The following GCNT1 variants were observed in gnomAD, a reference collection of about 807,000 sequenced individuals.
The protein encoded by GCNT1 is beta-1,3-galactosyl-O-glycosyl-glycoprotein beta-1,6-N-acetylglucosaminyltransferase.
A neutral mutation model predicts 26.2 loss-of-function variants in GCNT1; 16 were observed. That is an observed-to-expected ratio of 0.61 (90% CI 0.41 to 0.93). The LOEUF is 0.93. Among genes scored for constraint, GCNT1 ranks in the 40% least tolerant of loss-of-function variants. The pLI is 0.00. For synonymous variants in GCNT1, 183 were observed against 190.8 expected (o/e 0.96, Z 0.34); for missense variants, 477 against 526.7 (o/e 0.91, Z 0.92).
chr9:76,424,029 T>C (rs143439480), intron 1 of GCNT1, among the ~76,000 whole-genome samples: 1 of 152,206 alleles, frequency 6.6e-6, no homozygotes, highest in South Asian at 2.1e-4. Context: ...ATGGTTTGCC[T>C]TGGAATCAAA....
chr9:76,435,295 T>A (rs2131578668), intron 1 of GCNT1, among the ~76,000 whole-genome samples: 1 of 152,178 alleles, frequency 6.6e-6, no homozygotes, highest in South Asian at 2.1e-4. Flanking sequence ...GCTGTAAAAT[T>A]CCTCTCTTTG....
At chr9:76,404,258 A>C in the GCNT1 span, among the ~76,000 whole-genome samples, 5 of 152,166 alleles carry the variant, frequency 3.3e-5, no homozygotes, top group African/African-American at 7.2e-5. Context: ...TGATGATATA[A>C]AATTTTAGGA....
At chr9:76,414,636 C>T in the GCNT1 span, among the ~76,000 whole-genome samples, 185 of 152,258 alleles carry the variant, frequency 1.2e-3, no homozygotes, top group African/African-American at 4.3e-3. Context: ...GAGGGTCCCT[C>T]GCCTTTTTAG....
the GCNT1 span, among the ~76,000 whole-genome samples, chr9:76,406,370 G>T: frequency 6.6e-6 from 1 of 151,900 alleles, no homozygotes; most frequent in African/African-American, 2.4e-5. Context: ...GGTGATATGT[G>T]CCTGTAGTTC....
chr9:76,403,801 G>C, the GCNT1 span, among the ~76,000 whole-genome samples: 2 of 152,190 alleles, frequency 1.3e-5, no homozygotes, highest in African/African-American at 4.8e-5. Context: ...AATGGAGAAA[G>C]AGAAAAAGGA....
At chr9:76,436,112 TG>T (rs1823406363) in intron 1 of GCNT1, among the ~76,000 whole-genome samples, 1 of 151,798 alleles carries the variant, frequency 6.6e-6, no homozygotes, top group Non-Finnish European at 1.5e-5. Context: ...CCACCATGCC[TG>T]GCTAATTTTT....
chr9:76,429,807 C>T (rs1183011333), intron 1 of GCNT1, among the ~76,000 whole-genome samples: 8 of 151,576 alleles, frequency 5.3e-5, no homozygotes, highest in Non-Finnish European at 8.8e-5. Context: ...CTCCGCCTCC[C>T]GGGTTCCTGC....
chr9:76,441,415 G>A (rs969440720), upstream of GCNT1, among the ~76,000 whole-genome samples: 1 of 152,090 alleles, frequency 6.6e-6, no homozygotes, highest in African/African-American at 2.4e-5. Flanking sequence ...CAAAGTGCTG[G>A]GATTACAGGC....
At chr9:76,443,302 G>A (rs886361807) in intron 1 of GCNT1, among the ~76,000 whole-genome samples, 1 of 152,210 alleles carries the variant, frequency 6.6e-6, no homozygotes, top group South Asian at 2.1e-4. Context: ...GGGTCTCACA[G>A]CCTTCAGAGC....
At chr9:76,426,979 TAA>T (rs1372569248) in intron 1 of GCNT1, among the ~76,000 whole-genome samples, 3 of 152,130 alleles carry the variant, frequency 2.0e-5, no homozygotes, top group Non-Finnish European at 4.4e-5. Context: ...CCCAAATTCA[TAA>T]GTTAAAGTCC....
intron 2 of GCNT1, among the ~76,000 whole-genome samples, chr9:76,482,731 A>G (rs531531196): frequency 4.0e-5 from 6 of 151,804 alleles, no homozygotes; most frequent in African/African-American, 1.2e-4. Context: ...TGCAGCCTCA[A>G]TCTCCTGGGT....
upstream of GCNT1, among the ~76,000 whole-genome samples, chr9:76,416,598 G>C (rs565088558): frequency 6.6e-6 from 1 of 152,200 alleles, no homozygotes; most frequent in Admixed American, 6.5e-5. Context: ...GGGTTTGAGT[G>C]GGGGGCTGAG....
chr9:76,400,741 C>A, the GCNT1 span, among the ~76,000 whole-genome samples: 1 of 152,210 alleles, frequency 6.6e-6, no homozygotes, highest in African/African-American at 2.4e-5. Context: ...GTATGCTTGA[C>A]AATGCCTTCC....
At chr9:76,440,253 A>G (rs1245573244), upstream of GCNT1, among the ~76,000 whole-genome samples, 1 of 152,152 alleles carries the variant, frequency 6.6e-6, no homozygotes, top group Admixed American at 6.5e-5. Context: ...AGTTCAGTTC[A>G]ATACCCACAT....
At chr9:76,413,677 T>TG in the GCNT1 span, among the ~76,000 whole-genome samples, 4 of 150,082 alleles carry the variant, frequency 2.7e-5, no homozygotes, top group South Asian at 4.2e-4. Context: ...TGTTTTTTTT[T>TG]TTTTTTTGGC....
At chr9:76,425,166 T>C (rs545397133) in intron 1 of GCNT1, among the ~76,000 whole-genome samples, 35 of 148,732 alleles carry the variant, frequency 2.4e-4, no homozygotes, top group African/African-American at 8.4e-4. Flanking sequence ...AAAAAGACAT[T>C]GAACCATCAC....
At chr9:76,459,123 G>T (rs565038508), upstream of GCNT1, 2 of 152,350 alleles carry the variant, frequency 1.3e-5, no homozygotes, top group African/African-American at 4.8e-5. Context: ...GGCGAGGCGG[G>T]GACGTGGTGG....
chr9:76,501,846 G>C (rs1443156876), intron 3 of GCNT1: 2 of 152,152 alleles, frequency 1.3e-5, no homozygotes, highest in South Asian at 4.1e-4. Flanking sequence ...TTCTGGCACA[G>C]TGTCAGAAAC....
intron 2 of GCNT1, among the ~76,000 whole-genome samples, chr9:76,478,748 A>G (rs785936): frequency 0.63 from 95,954 of 152,134 alleles, 31,188 homozygotes; most frequent in Non-Finnish European, 0.7. Flanking sequence ...AACCATTAGG[A>G]TGGTCTTCAT....
Sources: gnomAD v4.1 joint callset for allele counts (sites outside exome capture counted in the v4.1 genomes callset) on GRCh38, gnomAD v4.1.1 for gene constraint, MANE v1.5 for transcripts, NCBI Gene and HGNC (gene_info 2026-07-23, HGNC 2026-07-21) for gene names.